DSCAM: variants seen among roughly 807,000 people sequenced by gnomAD.
DSCAM encodes the protein cell adhesion molecule DSCAM.
DSCAM carries 47 observed loss-of-function variants against 217.7 expected under a neutral mutation model. The ratio of observed to expected loss-of-function variants is 0.22; its 90% CI spans 0.17 to 0.28. The LOEUF (loss-of-function observed/expected upper bound fraction) is 0.28. Among genes scored for constraint, DSCAM ranks in the 10% least tolerant of loss-of-function variants. The pLI is 1.00. For missense variants in DSCAM, 2,080 were observed against 2,618.3 expected (o/e 0.79, Z 4.49); for synonymous variants, 1,056 against 1,015.3 (o/e 1.04, Z -0.76).
intron 1 of DSCAM, among the ~76,000 whole-genome samples, chr21:40,821,925 C>T (rs1422084685): frequency 6.6e-6 from 1 of 151,730 alleles, no homozygotes; most frequent in Non-Finnish European, 1.5e-5. Context: ...AGGCTTAATA[C>T]CTGGATGATG....
intron 4 of DSCAM, among the ~76,000 whole-genome samples, chr21:40,367,038 T>A (rs558196436): frequency 2.0e-5 from 3 of 152,154 alleles, no homozygotes. Context: ...GAGTCTCTGT[T>A]CTTCTGAAAG....
At chr21:40,822,920 C>T (rs1037533704) in intron 1 of DSCAM, among the ~76,000 whole-genome samples, 19 of 152,156 alleles carry the variant, frequency 1.2e-4, no homozygotes, top group African/African-American at 3.6e-4. Context: ...GAGGCCGAGG[C>T]GGGCGGATCA....
intron 1 of DSCAM, among the ~76,000 whole-genome samples, chr21:40,823,203 TTGTGTGTGTG>T (rs3988411): frequency 2.1e-5 from 3 of 144,374 alleles, no homozygotes; most frequent in Admixed American, 1.4e-4. Context: ...CATACATACA[TTGTGTGTGTG>T]TGTGTGTGTG....
At chr21:40,751,721 G>C (rs1449726848) in intron 1 of DSCAM, among the ~76,000 whole-genome samples, 3 of 152,060 alleles carry the variant, frequency 2.0e-5, no homozygotes, top group Non-Finnish European at 2.9e-5. Context: ...GATTGGAGAG[G>C]AGCACACAGG....
chr21:40,380,252 C>A (rs978650277), intron 3 of DSCAM, among the ~76,000 whole-genome samples: 1 of 152,202 alleles, frequency 6.6e-6, no homozygotes, highest in Non-Finnish European at 1.5e-5. Flanking sequence ...TGTCACTAAT[C>A]TTTGCTCTAG....
chr21:40,769,990 G>T (rs570480810), intron 1 of DSCAM, among the ~76,000 whole-genome samples: 1 of 151,970 alleles, frequency 6.6e-6, no homozygotes, highest in African/African-American at 2.4e-5. Context: ...AATCTCTCTC[G>T]CCCACTTCAA....
At chr21:40,029,513 G>A (rs1021719468) in intron 32 of DSCAM, among the ~76,000 whole-genome samples, 1 of 151,980 alleles carries the variant, frequency 6.6e-6, no homozygotes, top group African/African-American at 2.4e-5. Flanking sequence ...AGAGTTACTG[G>A]ATTTTAATTT....
At position 40,187,895 on chromosome 21, in the gene DSCAM, C is replaced by A; in HGVS notation, c.2646G>T (p.Val882=). 6.2e-7 allele frequency: 1 copy of A among 1,612,692 alleles called. No homozygotes were observed. Among genetic ancestry groups the A allele is most frequent in the South Asian group, 1.1e-5 (1 of 91,056 alleles). Residue 882 remains valine (V), a synonymous_variant, in exon 13 of 33, where the codon GTG becomes GTT. Transcript: ENST00000400454. The part of the protein sequence containing the change: ...GEDRGIIQLT[V]QEPPDPPEIE... Reference sequence around the variant, plus strand: ...CTTACGCTATCGTCTTCCTACCTTGCACTGTGAGCTGAATTATTCCACGGT... The same window carrying A: ...CTTACGCTATCGTCTTCCTACCTTGAACTGTGAGCTGAATTATTCCACGGT...
chr21:40,274,902 G>A (rs2073666427), intron 11 of DSCAM, among the ~76,000 whole-genome samples: 1 of 152,058 alleles, frequency 6.6e-6, no homozygotes, highest in East Asian at 1.9e-4. Flanking sequence ...TGTTTAGCTA[G>A]CCTTTCAATA....
chr21:40,267,288 G>A (rs555757312), intron 11 of DSCAM, among the ~76,000 whole-genome samples: 1 of 151,790 alleles, frequency 6.6e-6, no homozygotes, highest in African/African-American at 2.4e-5. Flanking sequence ...TAAGTAGAAG[G>A]AGTAGTCTAA....
chr21:40,135,768 T>C (rs11700591), intron 18 of DSCAM, among the ~76,000 whole-genome samples: 7,716 of 152,366 alleles, frequency 0.051, 264 homozygotes, highest in Non-Finnish European at 0.079. Flanking sequence ...GTGATTACGA[T>C]GACTGTGGAA....
At chr21:40,828,009 G>A (rs753699448) in intron 1 of DSCAM, among the ~76,000 whole-genome samples, 2 of 152,212 alleles carry the variant, frequency 1.3e-5, no homozygotes, top group Non-Finnish European at 2.9e-5. Context: ...AAGATGGGAG[G>A]TGGTGGTTGT....
intron 14 of DSCAM, among the ~76,000 whole-genome samples, chr21:40,183,864 G>T (rs1439323306): frequency 3.3e-5 from 5 of 152,124 alleles, no homozygotes; most frequent in African/African-American, 1.2e-4. Context: ...ACTTTTGGGG[G>T]GATAATTTCA....
chr21:40,705,451 T>C (rs1474215982), intron 2 of DSCAM, among the ~76,000 whole-genome samples: 1 of 152,162 alleles, frequency 6.6e-6, no homozygotes, highest in Non-Finnish European at 1.5e-5. Context: ...CTCACACTGC[T>C]ATGAAGAAAT....
At position 40,187,190 on chromosome 21, in the gene DSCAM, A is replaced by G. The variant is rs1163490136; in HGVS notation, c.2720T>C (p.Met907Thr). Residue 907 changes from methionine (M) to threonine (T), a missense_variant, in exon 14 of 33, where the codon ATG becomes ACG. By Grantham distance (81) the Met-to-Thr change is moderately conservative. Transcript: ENST00000400454. ...GATGGGACTGTTTCCATCAAACCCC[A>G]TGGTCCACCTGAGCGTAATTGTGCG... ...KARTITLRWT[M>T]GFDGNSPITG... The G allele has an allele frequency of 2.5e-6, 4 of 1,614,056 alleles. No homozygotes were observed. The highest frequency in any genetic ancestry group is 2.5e-6 in the Non-Finnish European group (3 of 1,180,020).
chr21:40,045,588 T>C (rs1208607413), intron 30 of DSCAM, among the ~76,000 whole-genome samples: 1 of 152,024 alleles, frequency 6.6e-6, no homozygotes, highest in Non-Finnish European at 1.5e-5. Context: ...CTGTGGAAAA[T>C]GAGAGAGGTT....
At chr21:40,424,365 G>A (rs1452253596) in intron 3 of DSCAM, among the ~76,000 whole-genome samples, 2 of 152,120 alleles carry the variant, frequency 1.3e-5, no homozygotes, top group South Asian at 2.1e-4. Flanking sequence ...GGAGAAATAT[G>A]GAGACAGACA....
intron 15 of DSCAM, among the ~76,000 whole-genome samples, chr21:40,169,581 GA>G: frequency 1.3e-5 from 2 of 152,264 alleles, no homozygotes; most frequent in East Asian, 3.9e-4. Flanking sequence ...GGGACTGGGA[GA>G]GAATGATACT....
intron 3 of DSCAM, among the ~76,000 whole-genome samples, chr21:40,495,879 T>G (rs943278381): frequency 6.6e-6 from 1 of 152,132 alleles, no homozygotes; most frequent in Non-Finnish European, 1.5e-5. Context: ...ATATTTATAC[T>G]CTAACAATGA....
Sources: allele counts gnomAD v4.1 joint callset (sites outside exome capture counted in the v4.1 genomes callset), GRCh38; gene constraint gnomAD v4.1.1; transcripts MANE v1.5; gene names NCBI Gene and HGNC (gene_info 2026-07-23, HGNC 2026-07-21).